Variants in KIF26B observed in about 807,000 individuals in gnomAD.
KIF26B encodes the protein kinesin-like protein KIF26B.
Under a neutral mutation model 151.2 loss-of-function variants are expected in KIF26B, and 63 were observed. That is an observed-to-expected ratio of 0.42 (90% CI 0.34 to 0.51). KIF26B has a LOEUF of 0.51. KIF26B is among the 20% of genes least tolerant of loss of function. KIF26B has a pLI of 0.07. For synonymous variants in KIF26B, 1,357 were observed against 1,262.1 expected (o/e 1.08, Z -1.59); for missense variants, 2,813 against 2,913.6 (o/e 0.97, Z 0.79).
rs556426956 is a variant in KIF26B at position 245,166,477 on chromosome 1, G to C, written c.465+9794G>C. On this transcript the variant is annotated intron_variant, in intron 2 of 14. Coordinates refer to ENST00000407071, the MANE Select transcript of KIF26B (RefSeq NM_018012.4). The surrounding 1 kb of genome is among the most constrained non-coding windows in gnomAD (Gnocchi z 4.5). ...TGGATGTAAATAGCGACTCCTTTGG[G>C]TTGAGGTGCCATGAATATGGATTGA... 6.4e-4 allele frequency among the ~76,000 whole-genome samples: 97 copies of C among 152,330 alleles called. 2 individuals are homozygous for C. The South Asian group carries it at 0.013, about 21-fold the overall frequency.
At chr1:245,291,983 A>C (rs897388820) in intron 2 of KIF26B, among the ~76,000 whole-genome samples, 1 of 152,200 alleles carries the variant, frequency 6.6e-6, no homozygotes, top group Non-Finnish European at 1.5e-5. Context: ...GCACTTTCCC[A>C]AGAGATGACT....
chr1:245,411,266 A>C (rs923741230), intron 3 of KIF26B, among the ~76,000 whole-genome samples: 1 of 152,234 alleles, frequency 6.6e-6, no homozygotes, highest in Admixed American at 6.5e-5. Context: ...CGAAGAAAAG[A>C]GACAAGCAGG....
At chr1:245,275,582 G>A (rs1670923234) in intron 2 of KIF26B, among the ~76,000 whole-genome samples, 1 of 152,172 alleles carries the variant, frequency 6.6e-6, no homozygotes, top group Non-Finnish European at 1.5e-5. Context: ...TTATTAAATA[G>A]GGAATCCTTT....
At chr1:245,631,444 C>T (rs755120560) in intron 9 of KIF26B, among the ~76,000 whole-genome samples, 5 of 152,106 alleles carry the variant, frequency 3.3e-5, no homozygotes, top group Non-Finnish European at 7.4e-5. Context: ...TTGCATACAT[C>T]GAACCATCAT....
At chr1:245,260,087 G>A (rs912147398) in intron 2 of KIF26B, among the ~76,000 whole-genome samples, 1 of 152,050 alleles carries the variant, frequency 6.6e-6, no homozygotes, top group Non-Finnish European at 1.5e-5. Context: ...GTGGGATGGG[G>A]TCGGAGGAGA....
chr1:245,652,102 C>CTGTGTGTGTGTGTGTG (rs56893913), intron 10 of KIF26B, among the ~76,000 whole-genome samples: 7 of 136,352 alleles, frequency 5.1e-5, no homozygotes, highest in Non-Finnish European at 1.1e-4. Flanking sequence ...ATGTAAGAAT[C>CTGTGTGTGTGTGTGTG]TGTGTGTGTG....
intron 2 of KIF26B, among the ~76,000 whole-genome samples, chr1:245,188,170 C>T (rs1428680566): frequency 6.7e-6 from 1 of 148,838 alleles, no homozygotes; most frequent in Non-Finnish European, 1.5e-5. Flanking sequence ...ATCCCAGCTA[C>T]TTGGGAGGCT....
chr1:245,396,174 A>G (rs1428327103), intron 3 of KIF26B, among the ~76,000 whole-genome samples: 6 of 152,206 alleles, frequency 3.9e-5, no homozygotes, highest in Non-Finnish European at 7.3e-5. Context: ...CTAATCAAAA[A>G]CATGGGATCA....
At position 245,155,358 on chromosome 1, in the gene KIF26B, G is replaced by C; in HGVS notation, c.-67G>C. 7.5e-7 allele frequency: 1 copy of C among 1,340,712 alleles called. No homozygotes were observed. The highest frequency in any genetic ancestry group is 1.1e-6 in the Non-Finnish European group (1 of 951,108). 83.1% of individuals were successfully genotyped at this position (1,340,712 alleles called of 1,614,324 possible). A position where few individuals can be genotyped will look rare whatever the true frequency, so the allele number is the denominator to read the frequency against. On this transcript the variant is annotated 5_prime_UTR_variant, in exon 1 of 15. Coordinates refer to ENST00000407071, the MANE Select transcript of KIF26B (RefSeq NM_018012.4). ...CCCCCTGCAGCCGGGGGACGCTTCTGGGTTGGAGGACCTTCTGGATGTAGC... is the reference window on the plus strand; with the variant it reads ...CCCCCTGCAGCCGGGGGACGCTTCTCGGTTGGAGGACCTTCTGGATGTAGC...
intron 9 of KIF26B, among the ~76,000 whole-genome samples, chr1:245,616,991 T>C (rs1322814598): frequency 7.2e-5 from 11 of 152,214 alleles, no homozygotes; most frequent in Non-Finnish European, 1.6e-4. Flanking sequence ...TAGGCTGGGC[T>C]GCTGTGTGCG....
Position 245,167,926 on chromosome 1 carries a change from G to A in KIF26B, c.465+11243G>A, listed in dbSNP as rs1485192418. Reference sequence around the variant, plus strand: ...GGAAACAAAGAAATGGGTGGTATACGCATCCAAGGTTGTCTACAATCCCAG... The same window carrying A: ...GGAAACAAAGAAATGGGTGGTATACACATCCAAGGTTGTCTACAATCCCAG... On this transcript the variant is annotated intron_variant, in intron 2 of 14. Coordinates refer to ENST00000407071, the MANE Select transcript of KIF26B (RefSeq NM_018012.4). The surrounding 1 kb of genome is among the most constrained non-coding windows in gnomAD (Gnocchi z 4.2). Among the ~76,000 whole-genome samples, 2 of 152,146 alleles carry A rather than the reference G, an allele frequency of 1.3e-5. No individual in the cohort carries two copies. Among genetic ancestry groups the A allele is most frequent in the African/African-American group, 2.4e-5 (1 of 41,428 alleles).
intron 4 of KIF26B, among the ~76,000 whole-genome samples, chr1:245,445,029 A>C (rs558508057): frequency 6.6e-6 from 1 of 152,348 alleles, no homozygotes; most frequent in East Asian, 1.9e-4. Flanking sequence ...GCTGAACATG[A>C]ACCCCAAATT....
intron 2 of KIF26B, among the ~76,000 whole-genome samples, chr1:245,256,308 A>G (rs188919231): frequency 6.6e-6 from 1 of 152,320 alleles, no homozygotes; most frequent in East Asian, 1.9e-4. Flanking sequence ...GGTCCATGAC[A>G]TGTACTAGCT....
rs2042973145 is a variant in KIF26B at position 245,563,233 on chromosome 1, A to G, written c.1350+22283A>G. On this transcript the variant is annotated intron_variant, in intron 5 of 14. Transcript: ENST00000407071. The surrounding 1 kb of genome is among the most constrained non-coding windows in gnomAD (Gnocchi z 4.6). ...ACCCCCACTGAACCCATCAGATGTA[A>G]AATCCCCCATTTTATCACCGAACAA... 6.6e-6 allele frequency among the ~76,000 whole-genome samples: 1 copy of G among 152,128 alleles called. No homozygotes were observed. Among genetic ancestry groups the G allele is most frequent in the African/African-American group, 2.4e-5 (1 of 41,420 alleles).
chr1:245,161,063 C>T lies in KIF26B; in HGVS notation c.465+4380C>T, dbSNP rs552689928. ...TTCTAGCTGAAATCTTCTCTTTCTTCTAAGAACATGTGGCTATTTTCAAAA... is the reference window on the plus strand; with the variant it reads ...TTCTAGCTGAAATCTTCTCTTTCTTTTAAGAACATGTGGCTATTTTCAAAA... On this transcript the variant is annotated intron_variant, in intron 2 of 14. Coordinates refer to ENST00000407071, the MANE Select transcript of KIF26B (RefSeq NM_018012.4). 1.5e-3 allele frequency among the ~76,000 whole-genome samples: 226 copies of T among 152,288 alleles called. 1 individual carries two copies. Among genetic ancestry groups the T allele is most frequent in the African/African-American group, 5.2e-3 (218 of 41,554 alleles).
chr1:245,509,350 G>A (rs1433928844), intron 4 of KIF26B, among the ~76,000 whole-genome samples: 5 of 152,176 alleles, frequency 3.3e-5, no homozygotes, highest in Non-Finnish European at 1.5e-5. Flanking sequence ...GTTTCCAAGA[G>A]GATGAGACTT....
chr1:245,234,623 G>T (rs1348801570), intron 2 of KIF26B: 1 of 152,568 alleles, frequency 6.6e-6, no homozygotes, highest in Non-Finnish European at 1.5e-5. Flanking sequence ...AGATGGGCCC[G>T]CAATTTGGCC....
chr1:245,492,244 C>A (rs207461387), intron 4 of KIF26B, among the ~76,000 whole-genome samples: 3 of 152,332 alleles, frequency 2.0e-5, no homozygotes, highest in East Asian at 3.9e-4. Flanking sequence ...TTAAACCCTT[C>A]GGAGTGGTCA....
intron 2 of KIF26B, among the ~76,000 whole-genome samples, chr1:245,175,736 A>G (rs1668791834): frequency 6.6e-6 from 1 of 152,118 alleles, no homozygotes; most frequent in African/African-American, 2.4e-5. Flanking sequence ...TATTGTAATC[A>G]TATTTACTCA....
Sources: allele counts gnomAD v4.1 joint callset (sites outside exome capture counted in the v4.1 genomes callset), GRCh38; gene constraint gnomAD v4.1.1; non-coding constraint Gnocchi (gnomAD v3.1); transcripts MANE v1.5; gene names NCBI Gene and HGNC (gene_info 2026-07-23, HGNC 2026-07-21).